ZGRF1: variants seen among roughly 807,000 people sequenced by gnomAD.
ZGRF1 encodes 5'-3' DNA helicase ZGRF1.
In ZGRF1, 196 loss-of-function variants were observed where a neutral mutation model predicts 203.5. The observed-to-expected ratio is 0.96, with a 90% CI of 0.86 to 1.08. The LOEUF (loss-of-function observed/expected upper bound fraction) is 1.08. Ranked by LOEUF, ZGRF1 falls within the 50% of genes least tolerant of loss-of-function variation. The probability of loss-of-function intolerance (pLI) is 0.00; values close to 1 mark genes in which losing one functional copy is unlikely to be tolerated. For missense variants in ZGRF1, 2,326 were observed against 2,416.3 expected (o/e 0.96, Z 0.78); for synonymous variants, 809 against 841.3 (o/e 0.96, Z 0.66).
intron 24 of ZGRF1, among the ~76,000 whole-genome samples, chr4:112,542,832 T>A (rs1378840035): frequency 6.6e-6 from 1 of 151,884 alleles, no homozygotes; most frequent in East Asian, 1.9e-4. Flanking sequence ...TCTTTCTTTC[T>A]TGTTTCAAAG....
chr4:112,618,780 C>T lies in ZGRF1; in HGVS notation c.1262G>A (p.Ser421Asn). The change falls in exon 6 of 28, where the codon AGT (serine) becomes AAT (asparagine). Residue 421 changes from serine (S) to asparagine (N), a missense_variant. By Grantham distance (46) the Ser-to-Asn change is conservative. Transcript: ENST00000505019. ...TGATAATATACCATCATTTTCTGCA[C>T]TGCTACAAGTAACCTGTAAGCTACT... is the stretch of plus-strand genomic sequence containing the variant. ...ESSSLQVTCS[S>N]AENDGILSES... The T allele has an allele frequency of 1.2e-6, 2 of 1,612,024 alleles. No homozygotes were observed. The highest frequency in any genetic ancestry group is 2.2e-5 in the South Asian group (2 of 91,028).
intron 3 of ZGRF1, among the ~76,000 whole-genome samples, chr4:112,627,582 A>C (rs2047279949): frequency 6.6e-6 from 1 of 152,190 alleles, no homozygotes; most frequent in Admixed American, 6.5e-5. Context: ...TCTACCAAAA[A>C]TACAAAAATT....
intron 1 of ZGRF1, among the ~76,000 whole-genome samples, chr4:112,635,365 C>T (rs1236173273): frequency 6.6e-6 from 1 of 151,854 alleles, no homozygotes; most frequent in African/African-American, 2.4e-5. Context: ...TCAGTGCTAC[C>T]ATATGCTAGA....
intron 14 of ZGRF1, 99 bp downstream of exon 14, chr4:112,585,442 A>T: frequency 1.1e-6 from 1 of 890,612 alleles, no homozygotes; most frequent in Non-Finnish European, 1.6e-6. Flanking sequence ...AAAGCTCTTA[A>T]TCAAGACTCA....
At chr4:112,596,111 CT>C (rs1377380481) in intron 10 of ZGRF1, among the ~76,000 whole-genome samples, 1 of 152,120 alleles carries the variant, frequency 6.6e-6, no homozygotes, top group Non-Finnish European at 1.5e-5. Context: ...ACATAAGTTT[CT>C]TTTTCAATAT....
intron 8 of ZGRF1, 28 bp downstream of exon 8, chr4:112,609,351 G>T: frequency 7.0e-7 from 1 of 1,425,902 alleles, no homozygotes; most frequent in Non-Finnish European, 9.5e-7. Context: ...CCATGCCCAG[G>T]GGCTAATTTA....
At chr4:112,627,341 T>A (rs2047270781) in intron 3 of ZGRF1, among the ~76,000 whole-genome samples, 1 of 152,200 alleles carries the variant, frequency 6.6e-6, no homozygotes, top group Non-Finnish European at 1.5e-5. Context: ...CAGACCTCCA[T>A]TAATTTTTGT....
chr4:112,540,199 C>T (rs1737293047), intron 26 of ZGRF1, 75 bp from the exon 27 acceptor site: 5 of 1,064,912 alleles, frequency 4.7e-6, no homozygotes, highest in Non-Finnish European at 6.3e-6. Flanking sequence ...CTCAAAGCAA[C>T]CACTGTAATT....
At position 112,587,682 on chromosome 4, in the gene ZGRF1, T is replaced by C; in HGVS notation, c.3375A>G (p.Glu1125=). The C allele has an allele frequency of 6.2e-7, 1 of 1,611,840 alleles. No individual in the cohort carries two copies. Among genetic ancestry groups the C allele is most frequent in the Non-Finnish European group, 8.5e-7 (1 of 1,178,702 alleles). The change falls in exon 12 of 28, where the codon GAA becomes GAG. Residue 1125 remains glutamate, a synonymous_variant. Coordinates refer to ENST00000505019, the MANE Select transcript of ZGRF1 (RefSeq NM_018392.5). The part of the protein sequence containing the change: ...PEDQNETFFS[E]ESREVNPGDV... ...CCCCTGGATTCACTTCCCTAGATTCTTCAGAGAAAAAGGTTTCATTTTGGT... is the reference window on the plus strand; with the variant it reads ...CCCCTGGATTCACTTCCCTAGATTCCTCAGAGAAAAAGGTTTCATTTTGGT...
At chr4:112,634,079 C>T (rs1407817373) in intron 1 of ZGRF1, among the ~76,000 whole-genome samples, 1 of 152,156 alleles carries the variant, frequency 6.6e-6, no homozygotes, top group Non-Finnish European at 1.5e-5. Context: ...CTCTTTTAGA[C>T]ATATAAAATA....
chr4:112,612,681 C>T, intron 6 of ZGRF1, 93 bp from the exon 7 acceptor site: 1 of 737,070 alleles, frequency 1.4e-6, no homozygotes, highest in Admixed American at 2.7e-5. Context: ...AGGAATATAA[C>T]TTAAATTTTA....
chr4:112,550,220 A>G (rs1258549358), intron 22 of ZGRF1, among the ~76,000 whole-genome samples: 1 of 151,802 alleles, frequency 6.6e-6, no homozygotes, highest in African/African-American at 2.4e-5. Flanking sequence ...AAAACTTTCT[A>G]GTGGGACAAG....
chr4:112,556,026 T>C (rs1172591053), intron 20 of ZGRF1, among the ~76,000 whole-genome samples: 1 of 152,094 alleles, frequency 6.6e-6, no homozygotes, highest in South Asian at 2.1e-4. Context: ...CTAAAGTTCC[T>C]TCCTGTGTAG....
chr4:112,584,678 T>G (rs948688379), intron 14 of ZGRF1, among the ~76,000 whole-genome samples: 18 of 152,192 alleles, frequency 1.2e-4, no homozygotes, highest in African/African-American at 4.3e-4. Context: ...AAACAAAGAT[T>G]TTTAGTGGCT....
intron 12 of ZGRF1, among the ~76,000 whole-genome samples, 180 bp downstream of exon 12, chr4:112,587,100 T>C (rs17044838): frequency 0.043 from 6,598 of 152,272 alleles, 253 homozygotes; most frequent in East Asian, 0.19. Flanking sequence ...TTTCATTCAA[T>C]GTTCACTACT....
intron 9 of ZGRF1, among the ~76,000 whole-genome samples, chr4:112,604,233 A>G (rs1750423137): frequency 6.6e-6 from 1 of 151,962 alleles, no homozygotes; most frequent in African/African-American, 2.4e-5. Context: ...CAAAAAAAAA[A>G]AAGTATGATT....
At chr4:112,547,450 G>A in intron 23 of ZGRF1, 42 bp from the exon 24 acceptor site, 2 of 1,567,868 alleles carry the variant, frequency 1.3e-6, no homozygotes, top group Non-Finnish European at 1.7e-6. Context: ...AATTAAAATG[G>A]GTGCATTAAC....
chr4:112,541,310 GTTC>G, intron 24 of ZGRF1, 42 bp from the exon 25 acceptor site: 2 of 1,149,848 alleles, frequency 1.7e-6, no homozygotes, highest in Non-Finnish European at 2.4e-6. Flanking sequence ...TAATTTTTTT[GTTC>G]TTCTAGGGAA....
chr4:112,631,873 C>T, intron 3 of ZGRF1, 57 bp downstream of exon 3: 2 of 840,774 alleles, frequency 2.4e-6, no homozygotes, highest in Non-Finnish European at 3.7e-6. Context: ...TTTAAATATT[C>T]AATCAAAAAT....
Sources: allele counts gnomAD v4.1 joint callset (sites outside exome capture counted in the v4.1 genomes callset), GRCh38; gene constraint gnomAD v4.1.1; transcripts MANE v1.5; gene names NCBI Gene and HGNC (gene_info 2026-07-23, HGNC 2026-07-21).